WDPCP: variants seen among roughly 807,000 people sequenced by gnomAD.
WDPCP encodes WD repeat containing planar cell polarity effector.
WDPCP carries 71 observed loss-of-function variants against 93.1 expected under a neutral mutation model. The ratio of observed to expected loss-of-function variants is 0.76; its 90% confidence interval spans 0.63 to 0.93. The LOEUF is 0.93. Ranked by LOEUF, WDPCP falls within the 40% of genes least tolerant of loss-of-function variation. The pLI is 0.00. For missense variants in WDPCP, 844 were observed against 887.4 expected (o/e 0.95, Z 0.62); for synonymous variants, 315 against 315.0 (o/e 1.00, Z 0.00).
At chr2:63,385,727 T>C (rs563249365) in intron 10 of WDPCP, among the ~76,000 whole-genome samples, 2 of 151,878 alleles carry the variant, frequency 1.3e-5, no homozygotes, top group East Asian at 3.9e-4. Flanking sequence ...TCAGTCAAAA[T>C]CCCATCAGGT....
intron 12 of WDPCP, among the ~76,000 whole-genome samples, chr2:63,316,189 T>C (rs1686626337): frequency 6.6e-6 from 1 of 151,970 alleles, no homozygotes; most frequent in African/African-American, 2.4e-5. Flanking sequence ...CTGAGCAAAT[T>C]ACAGAAAATG....
intron 1 of WDPCP, among the ~76,000 whole-genome samples, chr2:63,523,981 G>A (rs1703134019): frequency 6.6e-6 from 1 of 152,080 alleles, no homozygotes; most frequent in South Asian, 2.1e-4. Context: ...CATCCAACCT[G>A]AGAGCCAAAT....
At chr2:63,465,949 A>C (rs548527301) in intron 6 of WDPCP, among the ~76,000 whole-genome samples, 1 of 152,270 alleles carries the variant, frequency 6.6e-6, no homozygotes, top group African/African-American at 2.4e-5. Context: ...AGACTTTAAA[A>C]AATATCCTGC....
intron 1 of WDPCP, among the ~76,000 whole-genome samples, chr2:63,578,863 A>C (rs1276499455): frequency 6.6e-6 from 1 of 152,186 alleles, no homozygotes; most frequent in East Asian, 1.9e-4. Flanking sequence ...AGATTCACTT[A>C]TTCTTAATGA....
At chr2:63,501,701 C>T (rs1701565244) in intron 1 of WDPCP, among the ~76,000 whole-genome samples, 1 of 152,184 alleles carries the variant, frequency 6.6e-6, no homozygotes, top group African/African-American at 2.4e-5. Flanking sequence ...ACTGCAACTT[C>T]CACCTCCCGG....
At chr2:63,751,731 A>C in intron 2 of WDPCP, 1 of 557,900 alleles carries the variant, frequency 1.8e-6, no homozygotes, top group Non-Finnish European at 3.4e-6. Flanking sequence ...GCTGCTACTG[A>C]AATTGACATA....
At chr2:63,366,665 T>A (rs1462075751) in intron 12 of WDPCP, among the ~76,000 whole-genome samples, 1 of 152,144 alleles carries the variant, frequency 6.6e-6, no homozygotes, top group Non-Finnish European at 1.5e-5. Context: ...ATTAAGAATG[T>A]CCTCATATTC....
chr2:63,459,244 C>T (rs1387101923), intron 6 of WDPCP, among the ~76,000 whole-genome samples: 1 of 152,070 alleles, frequency 6.6e-6, no homozygotes. Context: ...CATGCTTCTG[C>T]ACAGCAAAAG....
At chr2:63,475,143 A>C (rs1359251564) in intron 6 of WDPCP, among the ~76,000 whole-genome samples, 1 of 152,176 alleles carries the variant, frequency 6.6e-6, no homozygotes, top group African/African-American at 2.4e-5. Context: ...TAATAGTGAA[A>C]CTAGCCCAAC....
At chr2:63,788,431 T>C (rs2103994288) in intron 2 of WDPCP, among the ~76,000 whole-genome samples, 1 of 152,212 alleles carries the variant, frequency 6.6e-6, no homozygotes, top group East Asian at 1.9e-4. Context: ...TATGGTTCAG[T>C]ACTTACAGAC....
chr2:63,705,510 T>C (rs1357443788), intron 2 of WDPCP, among the ~76,000 whole-genome samples: 2 of 152,172 alleles, frequency 1.3e-5, no homozygotes, highest in South Asian at 2.1e-4. Flanking sequence ...TCTGTTCTCA[T>C]TGGTTTCAAA....
chr2:63,335,778 G>A (rs1688311864), intron 12 of WDPCP, among the ~76,000 whole-genome samples: 1 of 152,188 alleles, frequency 6.6e-6, no homozygotes. Flanking sequence ...CTACTGGGCT[G>A]CAACCCAGCA....
chr2:63,612,599 T>C (rs1230192320), intron 3 of WDPCP, among the ~76,000 whole-genome samples: 3 of 152,208 alleles, frequency 2.0e-5, no homozygotes, highest in South Asian at 2.1e-4. Flanking sequence ...ATTCCTTTTG[T>C]TTCCCCCATA....
At chr2:63,457,054 T>G (rs1698674880) in intron 6 of WDPCP, among the ~76,000 whole-genome samples, 1 of 151,822 alleles carries the variant, frequency 6.6e-6, no homozygotes, top group South Asian at 2.1e-4. Context: ...AGTTGGTTCT[T>G]CAAAAAGACA....
chr2:63,648,514 G>A (rs377166379), intron 3 of WDPCP, among the ~76,000 whole-genome samples: 43 of 152,068 alleles, frequency 2.8e-4, no homozygotes, highest in African/African-American at 8.9e-4. Context: ...CCCAAAATAC[G>A]GTGCCCCTAG....
chr2:63,833,010 T>C, the WDPCP span, among the ~76,000 whole-genome samples: 3 of 152,148 alleles, frequency 2.0e-5, no homozygotes, highest in South Asian at 6.2e-4. Context: ...CCCAGCACTT[T>C]GGGAGGCCAA....
Position 63,404,041 on chromosome 2 carries a change from G to C in WDPCP, c.1435+7C>G. ...AATTTACTTACTCATCACTTTCCTT[G>C]ACTTACCTAGTTTAAACAACAGCAC... On this transcript the variant is annotated splice_region_variant and intron_variant, in intron 10 of 17. Transcript: ENST00000272321. The C allele has an allele frequency of 6.2e-7, 1 of 1,613,880 alleles. No individual in the cohort carries two copies. The highest frequency in any genetic ancestry group is 8.5e-7 in the Non-Finnish European group (1 of 1,179,940).
chr2:63,499,280 A>G (rs758831062), intron 1 of WDPCP, among the ~76,000 whole-genome samples: 1 of 152,208 alleles, frequency 6.6e-6, no homozygotes, highest in Non-Finnish European at 1.5e-5. Context: ...AGAATAAATT[A>G]GAAAGATGCA....
intron 2 of WDPCP, among the ~76,000 whole-genome samples, chr2:63,694,431 T>C (rs1044337793): frequency 6.6e-6 from 1 of 152,204 alleles, no homozygotes; most frequent in African/African-American, 2.4e-5. Flanking sequence ...TTGTAGGACA[T>C]GTATTTATTG....
Sources: allele counts gnomAD v4.1 joint callset (sites outside exome capture counted in the v4.1 genomes callset), GRCh38; gene constraint gnomAD v4.1.1; transcripts MANE v1.5; gene names NCBI Gene and HGNC (gene_info 2026-07-23, HGNC 2026-07-21).